Variants in BDH2 observed in about 807,000 individuals in gnomAD.
BDH2 encodes 3-hydroxybutyrate dehydrogenase 2, also known as dehydrogenase/reductase SDR family member 6.
A neutral mutation model predicts 33.2 loss-of-function variants in BDH2; 24 were observed. The observed-to-expected ratio is 0.72, with a 90% CI of 0.52 to 1.02. BDH2 has a LOEUF of 1.02. Among genes scored for constraint, BDH2 ranks in the 50% least tolerant of loss-of-function variants. The pLI, the probability that BDH2 is intolerant of heterozygous loss-of-function variation, is 0.00. For synonymous variants in BDH2, 81 were observed against 101.6 expected, an observed-to-expected ratio of 0.80 and a Z score of 1.22; for missense variants, 249 against 301.6, an observed-to-expected ratio of 0.83 and a Z score of 1.29.
At chr4:103,097,390 T>C (rs1475030963) in intron 1 of BDH2, among the ~76,000 whole-genome samples, 1 of 152,140 alleles carries the variant, frequency 6.6e-6, no homozygotes, top group African/African-American at 2.4e-5. Flanking sequence ...AGTGCTTGGA[T>C]TATAGATCAC....
At chr4:103,093,277 G>A (rs575614955) in intron 3 of BDH2, among the ~76,000 whole-genome samples, 5 of 152,198 alleles carry the variant, frequency 3.3e-5, no homozygotes, top group East Asian at 1.9e-4. Flanking sequence ...CTATTTGTGA[G>A]CTTCCCCTTT....
At chr4:103,083,248 A>T (rs1053412410) in intron 7 of BDH2, among the ~76,000 whole-genome samples, 3 of 152,244 alleles carry the variant, frequency 2.0e-5, no homozygotes, top group African/African-American at 7.2e-5. Context: ...AAATACATTT[A>T]TGCATATGAT....
chr4:103,091,032 G>C, intron 5 of BDH2, 145 bp downstream of exon 5: 1 of 551,016 alleles, frequency 1.8e-6, no homozygotes, highest in South Asian at 2.6e-5. Context: ...TAATTTATGT[G>C]AAATGCCTTG....
chr4:103,086,382 C>T, intron 6 of BDH2, 98 bp downstream of exon 6: 2 of 1,436,618 alleles, frequency 1.4e-6, no homozygotes, highest in Non-Finnish European at 1.8e-6. Context: ...CATTTCAATA[C>T]TTGAAATTAT....
intron 7 of BDH2, among the ~76,000 whole-genome samples, 178 bp downstream of exon 7, chr4:103,085,171 T>C (rs1747716642): frequency 6.6e-6 from 1 of 152,200 alleles, no homozygotes; most frequent in Admixed American, 6.5e-5. Flanking sequence ...CACACCTTTC[T>C]TGGTAAAGAG....
chr4:103,092,753 C>G, intron 3 of BDH2, 57 bp from the exon 4 acceptor site: 1 of 1,320,936 alleles, frequency 7.6e-7, no homozygotes, highest in South Asian at 1.2e-5. Context: ...GAAGGTTTAG[C>G]TGTTTTGAAG....
chr4:103,092,501 G>T, intron 4 of BDH2, 99 bp downstream of exon 4: 2 of 786,612 alleles, frequency 2.5e-6, no homozygotes, highest in African/African-American at 1.7e-5. Flanking sequence ...ATATGTCATG[G>T]TTCACAATGA....
intron 3 of BDH2, among the ~76,000 whole-genome samples, chr4:103,092,967 A>G (rs142493109): frequency 3.9e-5 from 6 of 152,268 alleles, no homozygotes; most frequent in East Asian, 1.9e-4. Flanking sequence ...CAATGGCTTT[A>G]TAGTAAAGAA....
intron 5 of BDH2, among the ~76,000 whole-genome samples, chr4:103,090,274 T>C (rs904561992): frequency 2.0e-5 from 3 of 152,214 alleles, no homozygotes; most frequent in African/African-American, 7.2e-5. Context: ...TATACTCCCC[T>C]AGAACACTTT....
At chr4:103,085,827 C>T (rs1407266116) in intron 6 of BDH2, 1 of 1,281,922 alleles carries the variant, frequency 7.8e-7, no homozygotes, top group Non-Finnish European at 1.0e-6. Flanking sequence ...TTACATTCCT[C>T]TCTTGTGTAT....
intron 1 of BDH2, chr4:103,099,039 A>C (rs1748532653): frequency 6.6e-6 from 1 of 152,194 alleles, no homozygotes. Flanking sequence ...TGGAATGTTT[A>C]TCATTTCAAC....
chr4:103,083,777 CCATAGATTTGAT>C (rs1747637106), intron 7 of BDH2, among the ~76,000 whole-genome samples: 1 of 152,112 alleles, frequency 6.6e-6, no homozygotes, highest in Admixed American at 6.5e-5. Flanking sequence ...CCTGAGAGTG[CCATAGATTTGAT>C]CTTTATTCAG....
chr4:103,085,824 CCT>C (rs1747751899), intron 6 of BDH2: 6 of 1,284,944 alleles, frequency 4.7e-6, no homozygotes, highest in Non-Finnish European at 5.0e-6. Flanking sequence ...TCTTTACATT[CCT>C]CTCTTGTGTA....
intron 3 of BDH2, among the ~76,000 whole-genome samples, chr4:103,094,057 G>A (rs562325500): frequency 2.6e-5 from 4 of 152,070 alleles, no homozygotes; most frequent in Non-Finnish European, 5.9e-5. Context: ...ATTTCTTTGG[G>A]TAAACTGCAA....
rs1409709443 is a variant in BDH2 at position 103,078,499 on chromosome 4, G to A, written c.*1203C>T. ...ATCATTGCTTATTTTAATAAAGATTGTTTAGTTAGACTAAGAAAATAGTAA... is the reference window on the plus strand; with the variant it reads ...ATCATTGCTTATTTTAATAAAGATTATTTAGTTAGACTAAGAAAATAGTAA... On this transcript the variant is annotated 3_prime_UTR_variant, in exon 10 of 10. Coordinates refer to ENST00000296424, the MANE Select transcript of BDH2 (RefSeq NM_020139.4). Among the ~76,000 whole-genome samples, 1 of 152,120 alleles carries A rather than the reference G, an allele frequency of 6.6e-6. No homozygotes were observed. The highest frequency in any genetic ancestry group is 1.5e-5 in the Non-Finnish European group (1 of 68,010).
chr4:103,087,837 A>G (rs939601577), intron 5 of BDH2, among the ~76,000 whole-genome samples: 7 of 152,134 alleles, frequency 4.6e-5, no homozygotes, highest in South Asian at 2.1e-4. Flanking sequence ...AGGGCCAGAG[A>G]AAAAAAATGA....
At chr4:103,092,945 G>T (rs1047303339) in intron 3 of BDH2, among the ~76,000 whole-genome samples, 1 of 152,026 alleles carries the variant, frequency 6.6e-6, no homozygotes, top group Non-Finnish European at 1.5e-5. Context: ...AATAATAAGG[G>T]TCCTTTCTGA....
At chr4:103,089,385 A>G (rs986212368) in intron 5 of BDH2, among the ~76,000 whole-genome samples, 1 of 152,216 alleles carries the variant, frequency 6.6e-6, no homozygotes, top group Non-Finnish European at 1.5e-5. Context: ...AGAGTCCAAG[A>G]CCAGGATTCG....
At chr4:103,085,888 C>G (rs887316327) in intron 6 of BDH2, 6 of 1,198,402 alleles carry the variant, frequency 5.0e-6, no homozygotes, top group Non-Finnish European at 6.3e-6. Flanking sequence ...TCAGCAGTAA[C>G]TATTTCATTT....
Sources: allele counts gnomAD v4.1 joint callset (sites outside exome capture counted in the v4.1 genomes callset), GRCh38; gene constraint gnomAD v4.1.1; transcripts MANE v1.5; gene names NCBI Gene and HGNC (gene_info 2026-07-23, HGNC 2026-07-21).